The following TBK1 variants were observed in gnomAD, a reference collection of about 807,000 sequenced individuals.
TBK1 encodes serine/threonine-protein kinase TBK1.
TBK1 carries 37 observed loss-of-function variants against 99.9 expected under a neutral mutation model. That is an observed-to-expected ratio of 0.37 (90% CI 0.28 to 0.49). TBK1 has a LOEUF of 0.49. Among genes scored for constraint, TBK1 ranks in the 20% least tolerant of loss-of-function variants. The pLI is 0.98. For missense variants in TBK1, 644 were observed against 872.5 expected (o/e 0.74, Z 3.30); for synonymous variants, 258 against 279.8 (o/e 0.92, Z 0.78).
At chr12:64,499,399 CA>C (rs1395953475) in intron 20 of TBK1, among the ~76,000 whole-genome samples, 169 of 152,186 alleles carry the variant, frequency 1.1e-3, no homozygotes, top group African/African-American at 3.7e-3. Context: ...AAAACCTATG[CA>C]TTTGGCAACA....
intron 7 of TBK1, among the ~76,000 whole-genome samples, 188 bp downstream of exon 7, chr12:64,480,310 G>T (rs1002819845): frequency 1.3e-5 from 2 of 152,114 alleles, no homozygotes; most frequent in Non-Finnish European, 2.9e-5. Context: ...TCTGCTATAT[G>T]AATAATTTCC....
chr12:64,485,830 GA>G, intron 10 of TBK1, 95 bp from the exon 11 acceptor site: 1 of 825,538 alleles, frequency 1.2e-6, no homozygotes, highest in Non-Finnish European at 1.8e-6. Flanking sequence ...TAATTAACCT[GA>G]TAAAAATGTG....
chr12:64,488,338 T>G, intron 11 of TBK1, 149 bp from the exon 12 acceptor site: 1 of 490,082 alleles, frequency 2.0e-6, no homozygotes, highest in South Asian at 3.1e-5. Flanking sequence ...GAAATGCTTA[T>G]TATAATAATG....
intron 1 of TBK1, among the ~76,000 whole-genome samples, chr12:64,453,493 G>C (rs538301075): frequency 6.6e-6 from 1 of 152,104 alleles, no homozygotes; most frequent in South Asian, 2.1e-4. Context: ...TCCTATAGTC[G>C]TATATAAAGT....
chr12:64,457,883 C>A (rs1367372835), intron 2 of TBK1, among the ~76,000 whole-genome samples: 2 of 152,122 alleles, frequency 1.3e-5, no homozygotes, highest in African/African-American at 4.8e-5. Context: ...CCAAAGGAAA[C>A]AAATATGTAC....
intron 5 of TBK1, 34 bp from the exon 6 acceptor site, chr12:64,474,196 G>A: frequency 1.9e-6 from 3 of 1,581,834 alleles, no homozygotes; most frequent in South Asian, 2.4e-5. Context: ...TGGGTCACAG[G>A]TTCATGATTT....
chr12:64,485,363 TG>T, intron 9 of TBK1, 91 bp from the exon 10 acceptor site: 1 of 540,478 alleles, frequency 1.9e-6, no homozygotes, highest in Non-Finnish European at 3.2e-6. Flanking sequence ...TTGCCACTAA[TG>T]TTTAATTTAG....
chr12:64,493,374 C>G (rs1324389434), intron 13 of TBK1, among the ~76,000 whole-genome samples: 1 of 151,144 alleles, frequency 6.6e-6, no homozygotes, highest in Non-Finnish European at 1.5e-5. Context: ...CACCTGTAAT[C>G]CCAGAACTTT....
rs1284582102 is a variant in TBK1, at chr12:64,481,951, C to T, written c.922C>T (p.Arg308Ter). ...TGCAGAAACTAGTGATATACTTCAC[C>T]GAATGGTAATTCATGTTTTTTCGCT... ...FFAETSDILH[R>*]MVIHVFSLQQ... Residue 308 changes from arginine (R) to a stop codon, truncating the protein, a stop_gained, in exon 8 of 21, where the codon CGA (arginine) becomes TGA (stop). Coordinates refer to ENST00000331710, the MANE Select transcript of TBK1 (RefSeq NM_013254.4). LOFTEE classifies it high-confidence loss of function. 1.9e-6 allele frequency: 3 copies of T among 1,608,998 alleles called. No individual in the cohort carries two copies. The highest frequency in any genetic ancestry group is 1.3e-5 in the African/African-American group (1 of 74,646).
chr12:64,454,372 G>A, intron 1 of TBK1, among the ~76,000 whole-genome samples: 1 of 151,980 alleles, frequency 6.6e-6, no homozygotes, highest in East Asian at 1.9e-4. Context: ...TCAGCCTCCC[G>A]AGTAGCTGGG....
At chr12:64,485,188 G>A (rs1429081796) in intron 9 of TBK1, among the ~76,000 whole-genome samples, 2 of 152,130 alleles carry the variant, frequency 1.3e-5, no homozygotes, top group Non-Finnish European at 2.9e-5. Context: ...CTATTTGAAG[G>A]TTGGGATTTG....
At chr12:64,465,263 A>AAAAAAAAAAAG (rs2040591421) in intron 4 of TBK1, among the ~76,000 whole-genome samples, 1 of 151,190 alleles carries the variant, frequency 6.6e-6, no homozygotes, top group African/African-American at 2.4e-5. Flanking sequence ...AAAAAAAAAA[A>AAAAAAAAAAAG]ACAAGTGTTG....
rs1341055534 is a variant in TBK1 at position 64,482,022 on chromosome 12, G to A, written c.992+1G>A. The A allele has an allele frequency of 6.0e-6, 9 of 1,512,246 alleles. No homozygotes were observed. Among genetic ancestry groups the A allele is most frequent in the Non-Finnish European group, 8.0e-6 (9 of 1,123,548 alleles). 93.7% of individuals were successfully genotyped at this position (1,512,246 alleles called of 1,614,324 possible). A position where few individuals can be genotyped will look rare whatever the true frequency, so the allele number is the denominator to read the frequency against. On this transcript the variant is annotated splice_donor_variant, in intron 8 of 20. Transcript: ENST00000331710. LOFTEE classifies it high-confidence loss of function. The stretch of plus-strand genomic sequence containing the variant: ...AGATTTATATTCATAGCTATAATAC[G>A]TAAGTATCTCTATTTTCTTCTTGTA...
intron 13 of TBK1, among the ~76,000 whole-genome samples, chr12:64,490,413 A>G (rs998911239): frequency 2.6e-5 from 4 of 152,126 alleles, no homozygotes; most frequent in African/African-American, 9.7e-5. Flanking sequence ...CAGAGAAAGA[A>G]TTTTTCCCAT....
At position 64,460,192 on chromosome 12, in the gene TBK1, A is replaced by G; in HGVS notation, c.91A>G (p.Thr31Ala). The part of the protein sequence containing the change: ...ANVFRGRHKK[T>A]GDLFAIKVFN... ...CATTTCTCTCTCTTTTTTAAAGAAA[A>G]CTGGTGATTTATTTGCTATCAAAGT... Residue 31 changes from threonine (T) to alanine (A), a missense_variant, in exon 3 of 21, where the codon ACT (threonine) becomes GCT (alanine). Physicochemically the swap from Thr to Ala is moderately conservative, Grantham distance 58 (BLOSUM62 0). This residue lies in a region of TBK1 where 148 missense variants were observed against 202.1 expected (regional missense o/e 0.73). Coordinates refer to ENST00000331710, the MANE Select transcript of TBK1 (RefSeq NM_013254.4). 1 of 1,490,616 alleles carries G rather than the reference A, an allele frequency of 6.7e-7. No homozygotes were observed. Among genetic ancestry groups the G allele is most frequent in the Non-Finnish European group, 9.0e-7 (1 of 1,108,798 alleles). The allele number at this position is 1,490,616 out of a possible 1,614,324, so 92.3% of individuals were successfully genotyped here. A position where few individuals can be genotyped will look rare whatever the true frequency, so the allele number is the denominator to read the frequency against.
chr12:64,456,783 A>C (rs557372017), intron 2 of TBK1, among the ~76,000 whole-genome samples: 1 of 151,942 alleles, frequency 6.6e-6, no homozygotes, highest in Non-Finnish European at 1.5e-5. Context: ...CGGAGGCTGC[A>C]GTGAGCCAAG....
intron 13 of TBK1, 60 bp downstream of exon 13, chr12:64,490,179 A>G (rs935702945): frequency 1.4e-5 from 18 of 1,273,972 alleles, no homozygotes; most frequent in South Asian, 9.1e-5. Flanking sequence ...TGCTGGCACT[A>G]TTAGATTTAA....
chr12:64,500,658 A>G (rs1359734982), intron 20 of TBK1, among the ~76,000 whole-genome samples: 2 of 151,784 alleles, frequency 1.3e-5, no homozygotes, highest in Non-Finnish European at 2.9e-5. Context: ...TGTTCACCCA[A>G]CTTTACTTCC....
Position 64,455,934 on chromosome 12 carries a change from A to T in TBK1, c.64A>T (p.Asn22Tyr). 6.2e-7 allele frequency: 1 copy of T among 1,613,818 alleles called. No individual in the cohort carries two copies. The change falls in exon 2 of 21, where the codon AAT becomes TAT. Residue 22 changes from asparagine to tyrosine, a missense_variant. Asn to Tyr is a moderately radical substitution (Grantham distance 143). Coordinates refer to ENST00000331710, the MANE Select transcript of TBK1 (RefSeq NM_013254.4). The part of the protein sequence containing the change: ...SDILGQGATA[N>Y]VFRGRHKKTG... ...TATTTTAGGCCAAGGAGCTACTGCA[A>T]ATGTCTTTCGTGGAAGACATAAGGT... is the stretch of plus-strand genomic sequence containing the variant.
Sources: allele counts gnomAD v4.1 joint callset (sites outside exome capture counted in the v4.1 genomes callset), GRCh38; gene constraint gnomAD v4.1.1; regional missense constraint gnomAD v4.1.1; transcripts MANE v1.5; gene names NCBI Gene and HGNC (gene_info 2026-07-23, HGNC 2026-07-21).